ARHGEF28: variants seen among roughly 807,000 people sequenced by gnomAD.
ARHGEF28 encodes the protein 190 kDa guanine nucleotide exchange factor.
A neutral mutation model predicts 206.6 loss-of-function variants in ARHGEF28; 152 were observed. The observed-to-expected ratio is 0.74, with a 90% CI of 0.64 to 0.84. The LOEUF is 0.84. Ranked by LOEUF, ARHGEF28 falls within the 40% of genes least tolerant of loss-of-function variation. The pLI is 0.00. For synonymous variants in ARHGEF28, 763 were observed against 776.4 expected, an observed-to-expected ratio of 0.98 and a Z score of 0.29; for missense variants, 2,028 against 2,073.2, an observed-to-expected ratio of 0.98 and a Z score of 0.42.
chr5:73,689,274 A>G (rs1399326721), intron 2 of ARHGEF28, among the ~76,000 whole-genome samples: 1 of 152,000 alleles, frequency 6.6e-6, no homozygotes, highest in Non-Finnish European at 1.5e-5. Context: ...AGGAGACTCT[A>G]TTTTCTTCTT....
chr5:73,661,086 T>G (rs1033016200), intron 1 of ARHGEF28, among the ~76,000 whole-genome samples: 1 of 152,264 alleles, frequency 6.6e-6, no homozygotes, highest in Non-Finnish European at 1.5e-5. Context: ...AAGGTTGTTT[T>G]GTCCACACTG....
At chr5:73,913,473 A>G (rs1763024415) in intron 35 of ARHGEF28, among the ~76,000 whole-genome samples, 1 of 152,246 alleles carries the variant, frequency 6.6e-6, no homozygotes, top group South Asian at 2.1e-4. Context: ...AGATAAAATT[A>G]TTCAAACCCT....
intron 1 of ARHGEF28, among the ~76,000 whole-genome samples, chr5:73,669,163 A>G (rs559719516): frequency 6.6e-6 from 1 of 152,306 alleles, no homozygotes; most frequent in African/African-American, 2.4e-5. Context: ...TTCTTAAAGG[A>G]TAAAGCTTTT....
At chr5:73,649,728 G>C (rs1008730040) in intron 1 of ARHGEF28, among the ~76,000 whole-genome samples, 6 of 152,216 alleles carry the variant, frequency 3.9e-5, no homozygotes, top group African/African-American at 1.4e-4. Flanking sequence ...TATCAGAAGG[G>C]AGTGTGTGCT....
intron 2 of ARHGEF28, among the ~76,000 whole-genome samples, chr5:73,738,333 AG>A (rs1751144750): frequency 6.6e-6 from 1 of 152,124 alleles, no homozygotes; most frequent in African/African-American, 2.4e-5. Flanking sequence ...CTGTAATGTA[AG>A]GGGTTTGATC....
intron 4 of ARHGEF28, among the ~76,000 whole-genome samples, chr5:73,765,918 C>T (rs951530237): frequency 9.2e-5 from 14 of 152,034 alleles, no homozygotes; most frequent in South Asian, 2.1e-4. Flanking sequence ...TTTGGGAGGC[C>T]GAGGTGGGCG....
At chr5:73,687,750 A>G (rs1221180683) in intron 2 of ARHGEF28, among the ~76,000 whole-genome samples, 1 of 151,776 alleles carries the variant, frequency 6.6e-6, no homozygotes, top group East Asian at 1.9e-4. Flanking sequence ...ATTTATTGTA[A>G]AATATTAGAA....
chr5:73,689,868 A>G (rs1392313983), intron 2 of ARHGEF28, among the ~76,000 whole-genome samples: 2 of 151,988 alleles, frequency 1.3e-5, no homozygotes, highest in South Asian at 2.1e-4. Context: ...TAGGAGGTGT[A>G]TTTTAAGCTG....
At chr5:73,838,350 C>A (rs1194590875) in intron 10 of ARHGEF28, among the ~76,000 whole-genome samples, 2 of 152,134 alleles carry the variant, frequency 1.3e-5, no homozygotes, top group Non-Finnish European at 1.5e-5. Flanking sequence ...CTGGCAATAT[C>A]TGAAAATAAT....
At chr5:73,783,720 A>T (rs1275826789) in intron 7 of ARHGEF28, among the ~76,000 whole-genome samples, 3 of 152,208 alleles carry the variant, frequency 2.0e-5, no homozygotes, top group Admixed American at 6.5e-5. Flanking sequence ...CGGTGTCTCC[A>T]TTCCTGGGGT....
At chr5:73,698,109 G>A (rs139977798) in intron 2 of ARHGEF28, among the ~76,000 whole-genome samples, 444 of 152,118 alleles carry the variant, frequency 2.9e-3, no homozygotes, top group Middle Eastern at 0.014. Flanking sequence ...ATCTTAAAAA[G>A]CTGGCAAATT....
chr5:73,842,976 G>A (rs1758076322), intron 11 of ARHGEF28, among the ~76,000 whole-genome samples: 1 of 138,322 alleles, frequency 7.2e-6, no homozygotes, highest in Admixed American at 7.3e-5. Flanking sequence ...GACGGAGTGA[G>A]ACTCTGTCTT....
At chr5:73,939,142 G>A (rs928175998) in intron 35 of ARHGEF28, among the ~76,000 whole-genome samples, 10 of 152,116 alleles carry the variant, frequency 6.6e-5, no homozygotes, top group Middle Eastern at 3.2e-3. Context: ...TCCTCTGAGC[G>A]TAGATCCAGA....
chr5:73,891,975 T>G, intron 26 of ARHGEF28, 77 bp from the exon 27 acceptor site: 1 of 1,369,718 alleles, frequency 7.3e-7, no homozygotes, highest in Non-Finnish European at 9.9e-7. Context: ...TACTCTTGCT[T>G]CCTTTAGCTC....
intron 8 of ARHGEF28, 147 bp downstream of exon 8, chr5:73,794,601 TTTC>T (rs1754686153): frequency 1.5e-5 from 11 of 729,910 alleles, no homozygotes; most frequent in Non-Finnish European, 2.3e-5. Flanking sequence ...CTGTTTTCTT[TTTC>T]TTTCTTTTTT....
chr5:73,813,722 T>C, intron 9 of ARHGEF28: 2 of 1,508,304 alleles, frequency 1.3e-6, no homozygotes, highest in Non-Finnish European at 1.8e-6. Flanking sequence ...CCAGACATCC[T>C]ATTCTTTCTT....
At chr5:73,661,376 C>T (rs1415844203) in intron 1 of ARHGEF28, among the ~76,000 whole-genome samples, 1 of 152,110 alleles carries the variant, frequency 6.6e-6, no homozygotes, top group Non-Finnish European at 1.5e-5. Flanking sequence ...CTATCCACAC[C>T]ACTCAAACTT....
intron 9 of ARHGEF28, among the ~76,000 whole-genome samples, chr5:73,801,443 T>G (rs1755128251): frequency 6.6e-6 from 1 of 151,300 alleles, no homozygotes; most frequent in African/African-American, 2.4e-5. Flanking sequence ...CGAGACTCCA[T>G]CTCAAAAAAT....
intron 24 of ARHGEF28, 80 bp from the exon 25 acceptor site, chr5:73,885,770 A>G (rs1335852408): frequency 2.2e-6 from 3 of 1,378,202 alleles, no homozygotes; most frequent in Middle Eastern, 2.6e-4. Flanking sequence ...ATATTTTAAA[A>G]CTAAAGAAGA....
Sources: gnomAD v4.1 joint callset for allele counts (sites outside exome capture counted in the v4.1 genomes callset) on GRCh38, gnomAD v4.1.1 for gene constraint, MANE v1.5 for transcripts, NCBI Gene and HGNC (gene_info 2026-07-23, HGNC 2026-07-21) for gene names.